The following WDR33 variants were observed in gnomAD, a reference collection of about 807,000 sequenced individuals.
The protein encoded by WDR33 is WD repeat domain 33.
WDR33 carries 47 observed loss-of-function variants against 164.9 expected under a neutral mutation model. That is an observed-to-expected ratio of 0.29 (90% CI 0.23 to 0.36). The LOEUF (loss-of-function observed/expected upper bound fraction) is 0.36, where lower values mean the gene tolerates loss of function less well. Among genes scored for constraint, WDR33 ranks in the 10% least tolerant of loss-of-function variants. The pLI, the probability that WDR33 is intolerant of heterozygous loss-of-function variation, is 1.00. For synonymous variants in WDR33, 505 were observed against 589.0 expected (o/e 0.86, Z 2.06); for missense variants, 1,137 against 1,754.1 (o/e 0.65, Z 6.28).
chr2:127,795,404 C>T (rs1232475827), intron 1 of WDR33, among the ~76,000 whole-genome samples: 1 of 151,830 alleles, frequency 6.6e-6, no homozygotes, highest in Non-Finnish European at 1.5e-5. Context: ...CTGCCTGAAA[C>T]AATAACTTTT....
Position 127,703,946 on chromosome 2 carries a change from C to T in WDR33, c.*2377G>A, listed in dbSNP as rs774440830. On this transcript the variant is annotated 3_prime_UTR_variant, in exon 22 of 22. Transcript: ENST00000322313. ...CAGCCTGGGCAACACAGTTAAACCC[C>T]ATCGCCACAGAAAATCTTCAAAAAA... 4 of 166,774 alleles carry T rather than the reference C, an allele frequency of 2.4e-5. No homozygotes were observed. The Admixed American group carries it at 2.6e-4, about 11-fold the overall frequency. 10.3% of individuals were successfully genotyped at this position (166,774 alleles called of 1,614,324 possible). A position where few individuals can be genotyped will look rare whatever the true frequency, so the allele number is the denominator to read the frequency against.
At chr2:127,797,979 A>C (rs1361075779) in intron 1 of WDR33, among the ~76,000 whole-genome samples, 2 of 152,172 alleles carry the variant, frequency 1.3e-5, no homozygotes, top group East Asian at 3.8e-4. Flanking sequence ...ACACCACTGC[A>C]CTTCAACCTG....
intron 7 of WDR33, among the ~76,000 whole-genome samples, chr2:127,731,565 T>C (rs561287133): frequency 6.6e-6 from 1 of 152,302 alleles, no homozygotes; most frequent in South Asian, 2.1e-4. Context: ...TGCACCTTGT[T>C]TGAATTGCCA....
chr2:127,701,570 G>T lies in WDR33; in HGVS notation c.*4753C>A. 2.2e-6 allele frequency: 3 copies of T among 1,365,846 alleles called. No individual in the cohort carries two copies. Among genetic ancestry groups the T allele is most frequent in the Non-Finnish European group, 2.8e-6 (3 of 1,058,290 alleles). The allele number at this position is 1,365,846 out of a possible 1,614,324, so 84.6% of individuals were successfully genotyped here. A position where few individuals can be genotyped will look rare whatever the true frequency, so the allele number is the denominator to read the frequency against. ...GCCAGCTGCAGGAGTACCTGGCGCA[G>T]GGGAAAGCTGGCGGCCCGGCGGCCG... On this transcript the variant is annotated 3_prime_UTR_variant, in exon 22 of 22. Coordinates refer to ENST00000322313, the MANE Select transcript of WDR33 (RefSeq NM_018383.5).
Position 127,764,793 on chromosome 2 carries a change from T to C in WDR33, c.626+35A>G, listed in dbSNP as rs779024791. The C allele has an allele frequency of 1.7e-5, 27 of 1,614,012 alleles. No individual in the cohort carries two copies. Among genetic ancestry groups the C allele is most frequent in the South Asian group, 8.8e-5 (8 of 91,090 alleles). On this transcript the variant is annotated intron_variant, in intron 6 of 21. Transcript: ENST00000322313. The surrounding 1 kb of genome is among the most constrained non-coding windows in gnomAD (Gnocchi z 6.2). ...TTAGAGAATAATTTAACCATGACAA[T>C]AGGGACTACAGAAAATGGTATATTG...
chr2:127,758,233 C>T (rs1425515100), intron 7 of WDR33, among the ~76,000 whole-genome samples: 1 of 152,174 alleles, frequency 6.6e-6, no homozygotes, highest in South Asian at 2.1e-4. Flanking sequence ...CCTTCTCCCC[C>T]ATACCAATCT....
chr2:127,767,425 A>G (rs1347506318), intron 4 of WDR33, among the ~76,000 whole-genome samples: 2 of 152,184 alleles, frequency 1.3e-5, no homozygotes, highest in Non-Finnish European at 2.9e-5. Flanking sequence ...AATTAGTTTC[A>G]GTTTAAGGCC....
rs750675504 is a variant in WDR33 at position 127,709,811 on chromosome 2, G to T, written c.3354C>A (p.Pro1118=). 4 of 1,614,128 alleles carry T rather than the reference G, an allele frequency of 2.5e-6. No individual in the cohort carries two copies. Among genetic ancestry groups the T allele is most frequent in the South Asian group, 1.1e-5 (1 of 91,080 alleles). ...GACCAGGAAAACCATCCCTTCCTCT[G>T]GGGGGAGCACGGCCCTCATGCCTCG... ...APPRHEGRAP[P]RGRDGFPGPE... The change falls in exon 19 of 22, where the codon CCC becomes CCA. Residue 1118 remains proline (P), a synonymous_variant. Transcript: ENST00000322313. This position sits in a 1 kb window ranked among gnomAD's most constrained non-coding sequence, Gnocchi z 5.0.
chr2:127,783,574 C>CTTCA (rs1256472877), intron 1 of WDR33, among the ~76,000 whole-genome samples: 1 of 124,362 alleles, frequency 8.0e-6, no homozygotes, highest in African/African-American at 3.1e-5. Context: ...AAAGCAAGTT[C>CTTCA]TTCAGCTATT....
intron 1 of WDR33, among the ~76,000 whole-genome samples, chr2:127,777,787 A>AT (rs1044520632): frequency 6.6e-6 from 1 of 151,844 alleles, no homozygotes; most frequent in Non-Finnish European, 1.5e-5. Context: ...AATTTTTTTC[A>AT]TTTTTTGTAG....
intron 1 of WDR33, among the ~76,000 whole-genome samples, chr2:127,799,812 T>C (rs575612812): frequency 1.3e-5 from 2 of 152,322 alleles, no homozygotes; most frequent in East Asian, 3.9e-4. Flanking sequence ...GAGGACTGCT[T>C]GAGCCCAAGA....
Position 127,701,745 on chromosome 2 carries a change from CGCGGGCAGCGGCTGGCGGCGGGCG to C in WDR33, c.*4554_*4577del. ...CCTGACGTGCCTCCCGAGCGTGACG[CGCGGGCAGCGGCTGGCGGCGGGCG>C]GCGGGTGCCTGCTGCTGGCTGCACT... On this transcript the variant is annotated 3_prime_UTR_variant, in exon 22 of 22. Coordinates refer to ENST00000322313, the MANE Select transcript of WDR33 (RefSeq NM_018383.5). 3 of 1,413,710 alleles carry C rather than the reference CGCGGGCAGCGGCTGGCGGCGGGCG, an allele frequency of 2.1e-6. No individual in the cohort carries two copies. Among genetic ancestry groups the C allele is most frequent in the Non-Finnish European group, 9.2e-7 (1 of 1,083,578 alleles). The allele number at this position is 1,413,710 out of a possible 1,614,324, so 87.6% of individuals were successfully genotyped here. A position where few individuals can be genotyped will look rare whatever the true frequency, so the allele number is the denominator to read the frequency against.
intron 1 of WDR33, among the ~76,000 whole-genome samples, chr2:127,782,031 G>A (rs911798956): frequency 4.8e-5 from 7 of 145,992 alleles, no homozygotes; most frequent in Non-Finnish European, 1.0e-4. Context: ...AATCCATGCT[G>A]AGAACACACA....
rs1387271861 is a variant in WDR33 at position 127,735,259 on chromosome 2, C to T, written c.725-8482G>A. On this transcript the variant is annotated intron_variant, in intron 7 of 21. Coordinates refer to ENST00000322313, the MANE Select transcript of WDR33 (RefSeq NM_018383.5). The surrounding 1 kb of genome is among the most constrained non-coding windows in gnomAD (Gnocchi z 4.3). ...CTGTGCATTTTTCTCAGGCCCTCACCCCTCCTCCACCTGATCACCCCTCCT... is the reference window on the plus strand; with the variant it reads ...CTGTGCATTTTTCTCAGGCCCTCACTCCTCCTCCACCTGATCACCCCTCCT... 2.1e-6 allele frequency: 1 copy of T among 483,548 alleles called. No homozygotes were observed. Among genetic ancestry groups the T allele is most frequent in the African/African-American group, 2.1e-5 (1 of 47,336 alleles). 30.0% of individuals were successfully genotyped at this position (483,548 alleles called of 1,614,324 possible). A position where few individuals can be genotyped will look rare whatever the true frequency, so the allele number is the denominator to read the frequency against.
chr2:127,760,264 A>ATTTTCTGAATAC (rs1687638974), intron 7 of WDR33, among the ~76,000 whole-genome samples: 1 of 152,174 alleles, frequency 6.6e-6, no homozygotes, highest in Non-Finnish European at 1.5e-5. Context: ...ATTATTTTGG[A>ATTTTCTGAATAC]TTTTCTGAAT....
chr2:127,797,750 G>A lies in WDR33; in HGVS notation c.-24+13262C>T, dbSNP rs867689723. On this transcript the variant is annotated intron_variant, in intron 1 of 21. Coordinates refer to ENST00000322313, the MANE Select transcript of WDR33 (RefSeq NM_018383.5). ...CAACAGGCCAGGCACGGTGGTTCAA[G>A]CCTGTAATCCCAACACTTCGGGAGG... is the stretch of plus-strand genomic sequence containing the variant. Among the ~76,000 whole-genome samples the A allele has an allele frequency of 1.9e-4, 29 of 152,212 alleles. No individual in the cohort carries two copies. In the Middle Eastern group the frequency reaches 0.01, roughly 54 times the overall value.
chr2:127,726,865 T>G lies in WDR33; in HGVS notation c.725-88A>C. The stretch of plus-strand genomic sequence containing the variant: ...AAAGTAGAGAAACCTAGTAAATGTT[T>G]TGCTCTCAGTGCTCAGTCAACTTAA... On this transcript the variant is annotated intron_variant, in intron 7 of 21. Transcript: ENST00000322313. This position sits in a 1 kb window ranked among gnomAD's most constrained non-coding sequence, Gnocchi z 4.8. The G allele has an allele frequency of 2.6e-6, 4 of 1,529,920 alleles. No homozygotes were observed. The highest frequency in any genetic ancestry group is 3.5e-6 in the Non-Finnish European group (4 of 1,126,790). The allele number at this position is 1,529,920 out of a possible 1,614,324, so 94.8% of individuals were successfully genotyped here.
chr2:127,713,667 C>T lies in WDR33; in HGVS notation c.3224G>A (p.Gly1075Glu), dbSNP rs374082229. 5 of 1,614,134 alleles carry T rather than the reference C, an allele frequency of 3.1e-6. No individual in the cohort carries two copies. The highest frequency in any genetic ancestry group is 4.2e-6 in the Non-Finnish European group (5 of 1,180,048). ...DGRGAARGPP[G>E]AWEGRRPGDE... is the part of the protein sequence containing the mutation. ...TCCGGGCCTGCGGCCTTCCCATGCC[C>T]CCGGAGGGCCTCGGGCTGCACCCCG... Residue 1075 changes from glycine to glutamate, a missense_variant, in exon 18 of 22, where the codon GGG (glycine) becomes GAG (glutamate). By Grantham distance (98) the Gly-to-Glu change is moderately conservative. Transcript: ENST00000322313. This position sits in a 1 kb window ranked among gnomAD's most constrained non-coding sequence, Gnocchi z 6.2.
chr2:127,795,701 C>G (rs1012175306), intron 1 of WDR33, among the ~76,000 whole-genome samples: 4 of 149,898 alleles, frequency 2.7e-5, no homozygotes, highest in African/African-American at 7.4e-5. Flanking sequence ...GGTGTGGTGG[C>G]ATGCTCCTGT....
Sources: gnomAD v4.1 joint callset for allele counts (sites outside exome capture counted in the v4.1 genomes callset) on GRCh38, gnomAD v4.1.1 for gene constraint, Gnocchi (gnomAD v3.1) non-coding constraint, MANE v1.5 for transcripts, NCBI Gene and HGNC (gene_info 2026-07-23, HGNC 2026-07-21) for gene names.